Variants in ANTXR1 observed in about 807,000 individuals in gnomAD.
ANTXR1 encodes ANTXR cell adhesion molecule 1.
Under a neutral mutation model 78.1 loss-of-function variants are expected in ANTXR1, and 19 were observed. The observed-to-expected ratio is 0.24, with a 90% CI of 0.17 to 0.36. ANTXR1 has a LOEUF of 0.36. Ranked by LOEUF, ANTXR1 falls within the 10% of genes least tolerant of loss-of-function variation. ANTXR1 has a pLI of 1.00. For synonymous variants in ANTXR1, 273 were observed against 260.5 expected, an observed-to-expected ratio of 1.05 and a Z score of -0.46; for missense variants, 518 against 718.6, an observed-to-expected ratio of 0.72 and a Z score of 3.19.
At chr2:69,080,182 C>T (rs1670856897) in intron 8 of ANTXR1, among the ~76,000 whole-genome samples, 1 of 152,170 alleles carries the variant, frequency 6.6e-6, no homozygotes, top group South Asian at 2.1e-4. Context: ...CATTCGTTTG[C>T]TTGGACAGAG....
intron 1 of ANTXR1, among the ~76,000 whole-genome samples, chr2:69,015,606 G>T (rs1671002941): frequency 6.6e-6 from 1 of 151,860 alleles, no homozygotes; most frequent in Admixed American, 6.6e-5. Flanking sequence ...ATTTCAGAAA[G>T]GTTGAAAATC....
rs538700096 is a variant in ANTXR1 at position 69,051,946 on chromosome 2, T to C, written c.296+7133T>C. 1.6e-4 allele frequency among the ~76,000 whole-genome samples: 25 copies of C among 152,234 alleles called. No individual in the cohort carries two copies. The South Asian group carries it at 5.2e-3, about 32-fold the overall frequency. On this transcript the variant is annotated intron_variant, in intron 3 of 17. Transcript: ENST00000303714. Reference sequence around the variant, plus strand: ...TGCACTTCCTGATATATCTTTTTCATTCATTTATTTTTTACTTTCGTTGAT... The same window carrying C: ...TGCACTTCCTGATATATCTTTTTCACTCATTTATTTTTTACTTTCGTTGAT...
chr2:69,231,262 G>A (rs927492223), intron 17 of ANTXR1, among the ~76,000 whole-genome samples: 1 of 152,194 alleles, frequency 6.6e-6, no homozygotes, highest in Non-Finnish European at 1.5e-5. Flanking sequence ...AAAAGGAAAT[G>A]TGTGATGGTT....
rs1672972647 is a variant in ANTXR1 at position 69,138,269 on chromosome 2, T to C, written c.951+13626T>C. Among the ~76,000 whole-genome samples, 4 of 152,084 alleles carry C rather than the reference T, an allele frequency of 2.6e-5. No homozygotes were observed. In the South Asian group the frequency reaches 6.2e-4, roughly 24 times the overall value. On this transcript the variant is annotated intron_variant, in intron 12 of 17. Coordinates refer to ENST00000303714, the MANE Select transcript of ANTXR1 (RefSeq NM_032208.3). ...CTCCTTTCTACCAATGCTAAAATAA[T>C]TGTCAACTCTTTAAATAGTCCAACA...
intron 17 of ANTXR1, among the ~76,000 whole-genome samples, chr2:69,238,595 GTT>G (rs546907559): frequency 1.4e-4 from 22 of 152,246 alleles, no homozygotes; most frequent in South Asian, 6.2e-4. Context: ...TCTAGCCTGA[GTT>G]TACAAGAATG....
At chr2:69,025,451 T>A (rs1671312444) in intron 1 of ANTXR1, among the ~76,000 whole-genome samples, 1 of 152,180 alleles carries the variant, frequency 6.6e-6, no homozygotes, top group Non-Finnish European at 1.5e-5. Context: ...TGCTTAATGA[T>A]ATGCAGCCCT....
At chr2:69,135,103 G>T (rs1358385315) in intron 12 of ANTXR1, 35 of 387,612 alleles carry the variant, frequency 9.0e-5, no homozygotes, top group Non-Finnish European at 1.4e-4. Flanking sequence ...AATAAAAGTA[G>T]TTTGCCAACA....
intron 8 of ANTXR1, among the ~76,000 whole-genome samples, chr2:69,087,060 G>A (rs1671074542): frequency 6.6e-6 from 1 of 152,118 alleles, no homozygotes; most frequent in Non-Finnish European, 1.5e-5. Flanking sequence ...CTTGAAGTTG[G>A]TGTTTTTCTT....
At chr2:69,093,264 A>T (rs1417188967) in intron 9 of ANTXR1, among the ~76,000 whole-genome samples, 1 of 152,206 alleles carries the variant, frequency 6.6e-6, no homozygotes, top group Non-Finnish European at 1.5e-5. Flanking sequence ...ACCCTTATTA[A>T]TTCCTTTCAC....
chr2:69,022,523 G>A (rs1309076759), intron 1 of ANTXR1, among the ~76,000 whole-genome samples: 1 of 152,172 alleles, frequency 6.6e-6, no homozygotes, highest in African/African-American at 2.4e-5. Context: ...CTGGGCATTT[G>A]TCTGAAGGAA....
At chr2:69,054,976 C>A (rs1008130434) in intron 3 of ANTXR1, among the ~76,000 whole-genome samples, 5 of 152,126 alleles carry the variant, frequency 3.3e-5, no homozygotes, top group African/African-American at 1.2e-4. Flanking sequence ...AGGCAAGTGT[C>A]TTGCCTCTCT....
intron 17 of ANTXR1, among the ~76,000 whole-genome samples, chr2:69,221,032 G>T (rs1028054656): frequency 6.6e-6 from 1 of 152,200 alleles, no homozygotes; most frequent in African/African-American, 2.4e-5. Context: ...ACAGAAAAAT[G>T]TAATGAATAT....
intron 11 of ANTXR1, 106 bp downstream of exon 11, chr2:69,123,192 G>A (rs1184107055): frequency 1.7e-6 from 2 of 1,201,688 alleles, no homozygotes; most frequent in African/African-American, 1.5e-5. Context: ...CCTTTCTCTA[G>A]GTTCCTCCAG....
At chr2:69,145,315 C>A in intron 12 of ANTXR1, 1 of 1,583,032 alleles carries the variant, frequency 6.3e-7, no homozygotes, top group East Asian at 2.3e-5. Context: ...TTTATGTTCT[C>A]TTTCTTAAAG....
At chr2:69,061,479 C>A (rs1670241662) in intron 3 of ANTXR1, among the ~76,000 whole-genome samples, 1 of 149,434 alleles carries the variant, frequency 6.7e-6, no homozygotes, top group Non-Finnish European at 1.5e-5. Flanking sequence ...ATTTGAGAGT[C>A]TTCAACAACA....
chr2:69,044,014 A>C (rs1356950300), intron 2 of ANTXR1, among the ~76,000 whole-genome samples: 1 of 152,236 alleles, frequency 6.6e-6, no homozygotes, highest in African/African-American at 2.4e-5. Flanking sequence ...AATCCACTGC[A>C]GTCTGATGGT....
intron 12 of ANTXR1, among the ~76,000 whole-genome samples, chr2:69,141,456 G>T (rs573347948): frequency 5.4e-4 from 82 of 152,272 alleles, no homozygotes; most frequent in African/African-American, 1.9e-3. Context: ...GGTTTCAGGG[G>T]CAAGAGCAGT....
chr2:69,075,905 G>C (rs12479009), intron 7 of ANTXR1, among the ~76,000 whole-genome samples: 65,205 of 152,050 alleles, frequency 0.43, 15,142 homozygotes, highest in Middle Eastern at 0.55. Context: ...AAATTGCCAG[G>C]ATGTCAAAAG....
chr2:69,066,853 A>G (rs906407656), intron 3 of ANTXR1, among the ~76,000 whole-genome samples: 3 of 152,210 alleles, frequency 2.0e-5, no homozygotes, highest in Admixed American at 6.5e-5. Flanking sequence ...CAGACATGTG[A>G]AACCACCAAG....
Sources: allele counts gnomAD v4.1 joint callset (sites outside exome capture counted in the v4.1 genomes callset), GRCh38; gene constraint gnomAD v4.1.1; transcripts MANE v1.5; gene names NCBI Gene and HGNC (gene_info 2026-07-23, HGNC 2026-07-21).